Variants in ZNF484 observed in about 807,000 individuals in gnomAD.
ZNF484 encodes the protein KRAB box containing C2H2 type zinc finger bA526D8.4.
Under a neutral mutation model 12.9 loss-of-function variants are expected in ZNF484, and 11 were observed. That is an observed-to-expected ratio of 0.85 (90% confidence interval 0.54 to 1.41). ZNF484 has a LOEUF of 1.41. Among genes scored for constraint, ZNF484 ranks in the 40% most tolerant of loss-of-function variants. The probability of loss-of-function intolerance (pLI) is 0.00; values close to 1 mark genes in which losing one functional copy is unlikely to be tolerated. For missense variants in ZNF484, 807 were observed against 1,007.7 expected, an observed-to-expected ratio of 0.80 and a Z score of 2.70; for synonymous variants, 289 against 334.1, an observed-to-expected ratio of 0.86 and a Z score of 1.47.
chr9:92,874,295 GTTCT>G (rs200619792), intron 2 of ZNF484, among the ~76,000 whole-genome samples: 16 of 141,544 alleles, frequency 1.1e-4, no homozygotes, highest in African/African-American at 2.5e-4. Flanking sequence ...GTTAGTGCAC[GTTCT>G]TTCTTTCTTT....
Position 92,846,543 on chromosome 9 carries a change from A to C in ZNF484, c.2244T>G (p.Tyr748Ter). The C allele has an allele frequency of 6.2e-7, 1 of 1,614,034 alleles. No homozygotes were observed. The highest frequency in any genetic ancestry group is 8.5e-7 in the Non-Finnish European group (1 of 1,179,990). ...AAGACTTGCCACAGTCACTGCATTC[A>C]TAGGGTTTCTCTCCAGTATGAATTC... Reference protein sequence around the residue: ...HRRIHTGEKPYECSDCGKSFI... With the variant: ...HRRIHTGEKP The change falls in exon 5 of 5, where the codon TAT (tyrosine) becomes TAG (stop). Residue 748 changes from tyrosine to a stop codon, truncating the protein, a stop_gained. Coordinates refer to ENST00000375495, the MANE Select transcript of ZNF484 (RefSeq NM_031486.4). LOFTEE classifies it low-confidence loss of function (END_TRUNC).
chr9:92,858,759 A>G (rs1856609721), intron 2 of ZNF484, among the ~76,000 whole-genome samples: 1 of 152,132 alleles, frequency 6.6e-6, no homozygotes, highest in Admixed American at 6.6e-5. Context: ...CAAGTAAACA[A>G]AGGAAAAAAT....
intron 2 of ZNF484, among the ~76,000 whole-genome samples, chr9:92,866,908 G>A (rs1857114751): frequency 6.6e-6 from 1 of 152,144 alleles, no homozygotes. Context: ...TCCGAACACT[G>A]CATGTTCTCA....
chr9:92,877,374 A>G (rs762983942), intron 1 of ZNF484, among the ~76,000 whole-genome samples: 1 of 152,046 alleles, frequency 6.6e-6, no homozygotes, highest in South Asian at 2.1e-4. Flanking sequence ...ATAGAGAAAG[A>G]ATGAATGATA....
chr9:92,863,101 A>T (rs1365955999), intron 2 of ZNF484, among the ~76,000 whole-genome samples: 1 of 152,160 alleles, frequency 6.6e-6, no homozygotes, highest in Non-Finnish European at 1.5e-5. Context: ...AAGGAATGAG[A>T]TCATATCCTT....
intron 4 of ZNF484, among the ~76,000 whole-genome samples, chr9:92,854,661 G>T (rs888124940): frequency 2.6e-5 from 4 of 152,154 alleles, no homozygotes; most frequent in Non-Finnish European, 5.9e-5. Context: ...AGCTTGCAGT[G>T]AGCTGAGATC....
In ZNF484 at chr9:92,860,229, A is replaced by G. The variant is rs534478709; in HGVS notation, c.16-3911T>C. On this transcript the variant is annotated intron_variant, in intron 2 of 4. Transcript: ENST00000375495. ...TAAGCAAGGCCTGCAGGACATTCCA[A>G]AGATTTAGAGGTTACCTCCCAGGAG... Among the ~76,000 whole-genome samples, 5 of 152,306 alleles carry G rather than the reference A, an allele frequency of 3.3e-5. No individual in the cohort carries two copies. The South Asian group carries it at 1.0e-3, about 32-fold the overall frequency.
chr9:92,869,384 C>A (rs1035544197), intron 2 of ZNF484, among the ~76,000 whole-genome samples: 6 of 151,922 alleles, frequency 3.9e-5, no homozygotes, highest in Admixed American at 3.9e-4. Flanking sequence ...TTAAAATAAT[C>A]ATCATAATAA....
At chr9:92,859,507 C>T (rs1179470326) in intron 2 of ZNF484, among the ~76,000 whole-genome samples, 3 of 152,130 alleles carry the variant, frequency 2.0e-5, no homozygotes, top group African/African-American at 7.2e-5. Flanking sequence ...CCAATGAGCA[C>T]AGACAAAAAA....
At chr9:92,856,428 A>G in intron 2 of ZNF484, 110 bp from the exon 3 acceptor site, 1 of 813,860 alleles carries the variant, frequency 1.2e-6, no homozygotes, top group Non-Finnish European at 1.8e-6. Flanking sequence ...TGGAAACAAG[A>G]TAGGACCTTA....
intron 4 of ZNF484, among the ~76,000 whole-genome samples, chr9:92,854,828 T>C (rs1295520176): frequency 3.3e-5 from 5 of 152,160 alleles, no homozygotes; most frequent in African/African-American, 7.2e-5. Context: ...ATGGGGTATA[T>C]ATGTGCACTA....
In ZNF484 at chr9:92,856,057, T is replaced by C. The variant is rs548477370; in HGVS notation, c.142+135A>G. 1.6e-4 allele frequency: 220 copies of C among 1,388,394 alleles called. 2 individuals are homozygous for C. In the South Asian group the frequency reaches 2.7e-3, roughly 17 times the overall value. 86.0% of individuals were successfully genotyped at this position (1,388,394 alleles called of 1,614,324 possible). A position where few individuals can be genotyped will look rare whatever the true frequency, so the allele number is the denominator to read the frequency against. On this transcript the variant is annotated intron_variant, in intron 3 of 4. Transcript: ENST00000375495. ...TGGGACAAAATAAGGACAAAACCAT[T>C]ACACACTTTAGATGTCCTGCAGTCT...
rs774963912 is a variant in ZNF484, at chr9:92,848,551, T to C, written c.236A>G (p.Asp79Gly). 3.8e-6 allele frequency: 6 copies of C among 1,565,202 alleles called. No individual in the cohort carries two copies. The South Asian group carries it at 7.2e-5, about 19-fold the overall frequency. The part of the protein sequence containing the change: ...DGEIPSQSRP[D>G]GDIGFGPLQQ... ...TAAAGGTCCAAAACCAATGTCCCCATCTAAAAAAGAAAGAAAAGATAAGAC... is the reference window on the plus strand; with the variant it reads ...TAAAGGTCCAAAACCAATGTCCCCACCTAAAAAAGAAAGAAAAGATAAGAC... The change falls in exon 5 of 5, where the codon GAT (aspartate) becomes GGT (glycine). Residue 79 changes from aspartate to glycine, a missense_variant and splice_region_variant. Physicochemically the swap from Asp to Gly is moderately conservative, Grantham distance 94. Transcript: ENST00000375495. The surrounding 1 kb of genome is among the most constrained non-coding windows in gnomAD (Gnocchi z 4.1).
chr9:92,847,365 C>A lies in ZNF484; in HGVS notation c.1422G>T (p.Gly474=), dbSNP rs1351448138. 1 of 1,613,604 alleles carries A rather than the reference C, an allele frequency of 6.2e-7. No homozygotes were observed. The highest frequency in any genetic ancestry group is 8.5e-7 in the Non-Finnish European group (1 of 1,179,866). Residue 474 remains glycine, a synonymous_variant, in exon 5 of 5, where the codon GGG becomes GGT. Coordinates refer to ENST00000375495, the MANE Select transcript of ZNF484 (RefSeq NM_031486.4). ...GENPFICSEC[G]KVFTHKTNLI... is the part of the protein sequence containing the mutation. ...GATTTGTCTTGTGAGTGAAGACCTT[C>A]CCACATTCTGAACATATAAAGGGAT...
At chr9:92,867,034 C>T (rs62572374) in intron 2 of ZNF484, among the ~76,000 whole-genome samples, 146 of 152,108 alleles carry the variant, frequency 9.6e-4, no homozygotes, top group Non-Finnish European at 1.8e-3. Context: ...GGACAAATAG[C>T]AAATGCATGC....
chr9:92,875,682 A>G (rs1337991176), intron 1 of ZNF484, among the ~76,000 whole-genome samples: 2 of 152,166 alleles, frequency 1.3e-5, no homozygotes, highest in African/African-American at 2.4e-5. Context: ...AAGAGTCCCA[A>G]TCCTAGGCAC....
At chr9:92,869,160 TTTATA>T (rs1329536613) in intron 2 of ZNF484, among the ~76,000 whole-genome samples, 9 of 152,164 alleles carry the variant, frequency 5.9e-5, no homozygotes, top group Non-Finnish European at 4.4e-5. Context: ...TATATTAATG[TTTATA>T]TTATATTACT....
rs775835008 is a variant in ZNF484, at chr9:92,848,040, G to T, written c.747C>A (p.Ser249Arg). The T allele has an allele frequency of 6.2e-7, 1 of 1,614,160 alleles. No individual in the cohort carries two copies. Among genetic ancestry groups the T allele is most frequent in the Non-Finnish European group, 8.5e-7 (1 of 1,180,036 alleles). ...TTACGTAGTCAGAAAACAAATAGAG[G>T]CTCTCTCTAGTATGAATTTTCTGTT... Reference protein sequence around the residue: ...IQQQKIHTRESLYLFSDYVNV... With the variant: ...IQQQKIHTRERLYLFSDYVNV... Residue 249 changes from serine to arginine, a missense_variant, in exon 5 of 5, where the codon AGC becomes AGA. By Grantham distance (110) the Ser-to-Arg change is moderately radical. Transcript: ENST00000375495. This position sits in a 1 kb window ranked among gnomAD's most constrained non-coding sequence, Gnocchi z 4.1.
In ZNF484 at chr9:92,856,243, T is replaced by C. The variant is rs1190166981; in HGVS notation, c.91A>G (p.Ser31Gly). 1.2e-6 allele frequency: 2 copies of C among 1,613,802 alleles called. No individual in the cohort carries two copies. Among genetic ancestry groups the C allele is most frequent in the African/African-American group, 1.3e-5 (1 of 74,868 alleles). ...EWQQLDLAQKSLYREVMLENY... is the reference protein window; with the variant it reads ...EWQQLDLAQKGLYREVMLENY... ...TCCAGCATCACTTCTCTGTACAGGCTTTTCTGAGCAAGGTCTAATTGTTGC... is the reference window on the plus strand; with the variant it reads ...TCCAGCATCACTTCTCTGTACAGGCCTTTCTGAGCAAGGTCTAATTGTTGC... The change falls in exon 3 of 5, where the codon AGC becomes GGC. Residue 31 changes from serine (S) to glycine (G), a missense_variant. Ser to Gly is a moderately conservative substitution (Grantham distance 56). Transcript: ENST00000375495.
Sources: gnomAD v4.1 joint callset for allele counts (sites outside exome capture counted in the v4.1 genomes callset) on GRCh38, gnomAD v4.1.1 for gene constraint, Gnocchi (gnomAD v3.1) non-coding constraint, MANE v1.5 for transcripts, NCBI Gene and HGNC (gene_info 2026-07-23, HGNC 2026-07-21) for gene names.